BLTP1: variants seen among roughly 807,000 people sequenced by gnomAD.
BLTP1 encodes the protein bridge-like lipid transfer protein family member 1, also known as fragile site-associated protein.
chr4:122,347,366 T>G, the BLTP1 span: 1 of 837,052 alleles, frequency 1.2e-6, no homozygotes, highest in African/African-American at 1.8e-5. Flanking sequence ...TGGCATGTTC[T>G]TTGCAAACTG....
At chr4:122,346,798 G>C in the BLTP1 span, 1 of 1,599,428 alleles carries the variant, frequency 6.3e-7, no homozygotes. Context: ...GGTTACTGTA[G>C]CAGCAAGACC....
At chr4:122,172,125 A>G in the BLTP1 span, 1 of 285,496 alleles carries the variant, frequency 3.5e-6, no homozygotes, top group Non-Finnish European at 5.3e-6. Flanking sequence ...TTGCTATGTC[A>G]AAGCTATTAC....
At chr4:122,231,660 A>G in the BLTP1 span, 1 of 961,974 alleles carries the variant, frequency 1.0e-6, no homozygotes, top group Non-Finnish European at 1.2e-6. Context: ...TAGCATCTGT[A>G]TTATTTTTTT....
chr4:122,248,141 T>G, the BLTP1 span: 3 of 984,278 alleles, frequency 3.0e-6, no homozygotes, highest in African/African-American at 5.2e-5. Context: ...TCATCCCAGG[T>G]GTGAGGCTGA....
the BLTP1 span, among the ~76,000 whole-genome samples, chr4:122,326,166 A>C: frequency 1.3e-4 from 20 of 151,828 alleles, no homozygotes; most frequent in African/African-American, 4.6e-4. Context: ...CATAAAAAAA[A>C]CTACAATTTA....
chr4:122,250,985 T>C, the BLTP1 span: 229 of 985,152 alleles, frequency 2.3e-4, no homozygotes, highest in Non-Finnish European at 2.7e-4. Context: ...TTAAGAGTTC[T>C]GAATGGCACC....
the BLTP1 span, chr4:122,174,517 G>A: frequency 1.9e-6 from 3 of 1,590,972 alleles, no homozygotes; most frequent in South Asian, 1.1e-5. Flanking sequence ...AACTTTAAGG[G>A]CCCTACTGTC....
chr4:122,338,309 A>T, the BLTP1 span, among the ~76,000 whole-genome samples: 2 of 151,970 alleles, frequency 1.3e-5, no homozygotes, highest in Non-Finnish European at 1.5e-5. Flanking sequence ...TCTACCAAAA[A>T]AAAATAAAAT....
At chr4:122,189,186 TACATG>T in the BLTP1 span, 1 of 799,510 alleles carries the variant, frequency 1.3e-6, no homozygotes, top group Non-Finnish European at 1.5e-6. Flanking sequence ...GTGTGGAGAT[TACATG>T]ATGATATTAA....
At chr4:122,307,786 GTGACTATA>G in the BLTP1 span, 3 of 984,950 alleles carry the variant, frequency 3.0e-6, no homozygotes, top group Non-Finnish European at 3.6e-6. Flanking sequence ...TTAAAAAATG[GTGACTATA>G]TGTCCTCTTA....
At chr4:122,153,952 T>C in the BLTP1 span, 1 of 966,554 alleles carries the variant, frequency 1.0e-6, no homozygotes, top group Non-Finnish European at 1.2e-6. Context: ...CGAAATCATA[T>C]AATCAGAAAT....
the BLTP1 span, among the ~76,000 whole-genome samples, chr4:122,321,522 T>C: frequency 2.0e-5 from 3 of 151,788 alleles, no homozygotes; most frequent in African/African-American, 7.3e-5. Flanking sequence ...AATGTGTGCA[T>C]GTGTATATAT....
chr4:122,239,209 G>A, the BLTP1 span, among the ~76,000 whole-genome samples: 38 of 152,134 alleles, frequency 2.5e-4, no homozygotes, highest in East Asian at 7.0e-3. Context: ...TTTAAAGGAT[G>A]TGAAAGAAAA....
the BLTP1 span, chr4:122,154,994 A>G: frequency 1.1e-6 from 1 of 883,342 alleles, no homozygotes; most frequent in Non-Finnish European, 1.4e-6. Context: ...AATGGAAGAC[A>G]TGATCAAAGG....
chr4:122,324,370 G>T, the BLTP1 span: 1 of 1,526,764 alleles, frequency 6.5e-7, no homozygotes, highest in East Asian at 2.3e-5. Flanking sequence ...TTTATTTGAA[G>T]TCAAATACAG....
chr4:122,294,325 G>A, the BLTP1 span, among the ~76,000 whole-genome samples: 1 of 152,192 alleles, frequency 6.6e-6, no homozygotes, highest in East Asian at 1.9e-4. Context: ...CCCAACAGGG[G>A]TCTCCAGACA....
At chr4:122,247,422 G>A in the BLTP1 span, 1 of 1,570,852 alleles carries the variant, frequency 6.4e-7, no homozygotes. Context: ...TTTGCAGAAG[G>A]GAACATGTTT....
chr4:122,209,197 C>T, the BLTP1 span: 1 of 1,611,788 alleles, frequency 6.2e-7, no homozygotes, highest in South Asian at 1.1e-5. Context: ...TACCAGACTG[C>T]CACCCTAGTA....
the BLTP1 span, chr4:122,282,184 A>G: frequency 1.9e-6 from 1 of 527,498 alleles, no homozygotes; most frequent in African/African-American, 2.1e-5. Flanking sequence ...TGACCCTTAT[A>G]TTAATATATC....
Sources: allele counts gnomAD v4.1 joint callset (sites outside exome capture counted in the v4.1 genomes callset), GRCh38; gene constraint gnomAD v4.1.1; transcripts MANE v1.5; gene names NCBI Gene and HGNC (gene_info 2026-07-23, HGNC 2026-07-21).